The following ARHGEF10L variants were observed in gnomAD, a reference collection of about 807,000 sequenced individuals.
ARHGEF10L encodes the protein rho guanine nucleotide exchange factor 10-like protein.
In ARHGEF10L, 69 loss-of-function variants were observed where a neutral mutation model predicts 141.2. The observed-to-expected ratio is 0.49, with a 90% CI of 0.40 to 0.60. The LOEUF is 0.60. Ranked by LOEUF, ARHGEF10L falls within the 20% of genes least tolerant of loss-of-function variation. The pLI, the probability that ARHGEF10L is intolerant of heterozygous loss-of-function variation, is 0.00. For missense variants in ARHGEF10L, 1,482 were observed against 1,734.3 expected, an observed-to-expected ratio of 0.85 and a Z score of 2.58; for synonymous variants, 711 against 718.5, an observed-to-expected ratio of 0.99 and a Z score of 0.17.
Position 17,602,199 on chromosome 1 carries a change from G to T in ARHGEF10L, c.330G>T (p.Lys110Asn). The T allele has an allele frequency of 6.3e-7, 1 of 1,576,916 alleles. No homozygotes were observed. Among genetic ancestry groups the T allele is most frequent in the South Asian group, 1.2e-5 (1 of 86,054 alleles). ...AFSGARHSSW[K>N]RKSSRRIDRF... ...CCGGGGCCCGGCACTCCAGCTGGAA[G>T]CGGAAGAGTTCCCGTCGCAGTAAGT... is the stretch of plus-strand genomic sequence containing the variant. The change falls in exon 5 of 29, where the codon AAG becomes AAT. Residue 110 changes from lysine to asparagine, a missense_variant. By Grantham distance (94) the Lys-to-Asn change is moderately conservative. Transcript: ENST00000361221.
chr1:17,668,490 CA>C (rs1460024975), intron 26 of ARHGEF10L, among the ~76,000 whole-genome samples: 3 of 152,242 alleles, frequency 2.0e-5, no homozygotes, highest in African/African-American at 7.2e-5. Flanking sequence ...CCTGGGGCCC[CA>C]ATGGCCACCA....
chr1:17,625,386 T>C lies in ARHGEF10L; in HGVS notation c.1318-570T>C, dbSNP rs1021638976. 2.0e-5 allele frequency among the ~76,000 whole-genome samples: 3 copies of C among 152,126 alleles called. No individual in the cohort carries two copies. The highest frequency in any genetic ancestry group is 7.2e-5 in the African/African-American group (3 of 41,432). ...AGGCGGCTGAGTTCAGTTGGGTGGTTCTAGACCTCCAGGCCCAGGGCCTAG... is the reference window on the plus strand; with the variant it reads ...AGGCGGCTGAGTTCAGTTGGGTGGTCCTAGACCTCCAGGCCCAGGGCCTAG... On this transcript the variant is annotated intron_variant, in intron 13 of 28. Transcript: ENST00000361221. The surrounding 1 kb of genome is among the most constrained non-coding windows in gnomAD (Gnocchi z 4.5).
chr1:17,638,357 C>A (rs918361452), intron 19 of ARHGEF10L, among the ~76,000 whole-genome samples: 6 of 152,178 alleles, frequency 3.9e-5, no homozygotes, highest in Non-Finnish European at 7.3e-5. Context: ...GAGGAGGGCT[C>A]CAGGTGGGAT....
intron 25 of ARHGEF10L, among the ~76,000 whole-genome samples, chr1:17,661,525 C>A (rs2062622034): frequency 6.6e-6 from 1 of 152,152 alleles, no homozygotes; most frequent in Admixed American, 6.5e-5. Flanking sequence ...GGTTTTAGAC[C>A]CTAGCTCCTA....
chr1:17,634,942 G>A lies in ARHGEF10L; in HGVS notation c.1853G>A (p.Gly618Asp). The A allele has an allele frequency of 6.2e-7, 1 of 1,614,100 alleles. No homozygotes were observed. The highest frequency in any genetic ancestry group is 8.5e-7 in the Non-Finnish European group (1 of 1,179,978). Reference sequence around the variant, plus strand: ...GTGGTGGAGGTGGGCCAGGACGGTGGCACCTATGACAAGGACAATGTGCTC... The same window carrying A: ...GTGGTGGAGGTGGGCCAGGACGGTGACACCTATGACAAGGACAATGTGCTC... ...VQVVEVGQDG[G>D]TYDKDNVLIQ... The change falls in exon 18 of 29, where the codon GGC (glycine) becomes GAC (aspartate). Residue 618 changes from glycine to aspartate, a missense_variant. This residue lies in a region of ARHGEF10L where 858 missense variants were observed against 966.3 expected (regional missense o/e 0.89). Transcript: ENST00000361221.
intron 5 of ARHGEF10L, among the ~76,000 whole-genome samples, chr1:17,602,510 C>T (rs561521458): frequency 1.3e-5 from 2 of 152,306 alleles, no homozygotes; most frequent in South Asian, 4.1e-4. Context: ...CCTCTGTTAA[C>T]AGAACCAGAC....
chr1:17,585,593 A>T (rs2078960949), intron 2 of ARHGEF10L, among the ~76,000 whole-genome samples: 1 of 152,040 alleles, frequency 6.6e-6, no homozygotes, highest in African/African-American at 2.4e-5. Flanking sequence ...CTGGGGAGGG[A>T]GGGCGTACTC....
intron 15 of ARHGEF10L, among the ~76,000 whole-genome samples, chr1:17,629,869 C>G (rs1285155063): frequency 6.6e-6 from 1 of 152,210 alleles, no homozygotes; most frequent in Non-Finnish European, 1.5e-5. Context: ...GCCTCATACA[C>G]CTGTGCAGCC....
At chr1:17,634,181 G>A (rs1283113010) in intron 16 of ARHGEF10L, 12 of 352,462 alleles carry the variant, frequency 3.4e-5, no homozygotes, top group South Asian at 7.4e-5. Flanking sequence ...TGGTGCCGGC[G>A]GTATGATGAA....
intron 1 of ARHGEF10L, among the ~76,000 whole-genome samples, chr1:17,554,081 C>T (rs1047779069): frequency 7.2e-5 from 11 of 152,122 alleles, no homozygotes; most frequent in African/African-American, 2.4e-4. Context: ...GGGGTGGGTA[C>T]GGCCTCTCTA....
the ARHGEF10L span, among the ~76,000 whole-genome samples, chr1:17,530,020 A>G: frequency 6.6e-6 from 1 of 151,550 alleles, no homozygotes; most frequent in African/African-American, 2.4e-5. Context: ...TTTAGTAGAG[A>G]TGGGGTTTCA....
intron 6 of ARHGEF10L, among the ~76,000 whole-genome samples, chr1:17,604,313 G>T (rs530943883): frequency 6.6e-6 from 1 of 152,218 alleles, no homozygotes; most frequent in South Asian, 2.1e-4. Flanking sequence ...TGTGACAGAT[G>T]AGGCACATTT....
chr1:17,645,472 CAG>C (rs750638286), intron 21 of ARHGEF10L, among the ~76,000 whole-genome samples: 7 of 152,092 alleles, frequency 4.6e-5, no homozygotes, highest in Non-Finnish European at 1.0e-4. Flanking sequence ...GCCCTGGTGA[CAG>C]GGGCTAGGGT....
rs185079790 is a variant in ARHGEF10L, at chr1:17,571,914, G to A, written c.-43-8639G>A. Among the ~76,000 whole-genome samples the A allele has an allele frequency of 2.3e-3, 354 of 152,256 alleles. 1 individual carries two copies. Among genetic ancestry groups the A allele is most frequent in the Non-Finnish European group, 3.5e-3 (238 of 68,010 alleles). On this transcript the variant is annotated intron_variant, in intron 1 of 28. Coordinates refer to ENST00000361221, the MANE Select transcript of ARHGEF10L (RefSeq NM_018125.4). ...GCCTCGGCTTCTACCCTAGAAAGAC[G>A]TCCTTGTACCATGCAAAAGACTCCT...
At chr1:17,640,402 G>C (rs1206516890) in intron 21 of ARHGEF10L, 100 bp downstream of exon 21, 3 of 1,002,604 alleles carry the variant, frequency 3.0e-6, no homozygotes. Flanking sequence ...GGGTCAGCGG[G>C]GGGCAGGGAG....
intron 18 of ARHGEF10L, among the ~76,000 whole-genome samples, chr1:17,637,590 C>T (rs1323907064): frequency 6.6e-6 from 1 of 152,124 alleles, no homozygotes; most frequent in East Asian, 1.9e-4. Flanking sequence ...GCTCCGCCTC[C>T]CAGGTTCACG....
Position 17,656,160 on chromosome 1 carries a change from G to A in ARHGEF10L, c.2705+58G>A. The A allele has an allele frequency of 6.6e-7, 1 of 1,518,908 alleles. No homozygotes were observed. The highest frequency in any genetic ancestry group is 8.9e-7 in the Non-Finnish European group (1 of 1,123,238). 94.1% of individuals were successfully genotyped at this position (1,518,908 alleles called of 1,614,324 possible). A position where few individuals can be genotyped will look rare whatever the true frequency, so the allele number is the denominator to read the frequency against. ...CTCTGCAGGGCTGGGCAGTGGGTGGGGGCTGTCCCTGTAGCCTTCCGGATC... is the reference window on the plus strand; with the variant it reads ...CTCTGCAGGGCTGGGCAGTGGGTGGAGGCTGTCCCTGTAGCCTTCCGGATC... On this transcript the variant is annotated intron_variant, in intron 24 of 28. Coordinates refer to ENST00000361221, the MANE Select transcript of ARHGEF10L (RefSeq NM_018125.4). This position sits in a 1 kb window ranked among gnomAD's most constrained non-coding sequence, Gnocchi z 4.9.
intron 19 of ARHGEF10L, among the ~76,000 whole-genome samples, chr1:17,638,352 G>C (rs2061137840): frequency 6.6e-6 from 1 of 152,216 alleles, no homozygotes; most frequent in Non-Finnish European, 1.5e-5. Flanking sequence ...TCTCAGAGGA[G>C]GGCTCCAGGT....
chr1:17,625,960 G>A lies in ARHGEF10L; in HGVS notation c.1322G>A (p.Arg441Gln), dbSNP rs758346635. 4.3e-6 allele frequency: 7 copies of A among 1,613,570 alleles called. No individual in the cohort carries two copies. Among genetic ancestry groups the A allele is most frequent in the East Asian group, 2.2e-5 (1 of 44,866 alleles). The stretch of plus-strand genomic sequence containing the variant: ...ACGGAACCTTGTCTCCACCAGCGAC[G>A]GCAGGTGTGCAGCCCAGACCGTGTC... ...KPAFLEFLKR[R>Q]QVCSPDRVTL... Residue 441 changes from arginine (R) to glutamine (Q), a missense_variant, in exon 14 of 29, where the codon CGG (arginine) becomes CAG (glutamine). Transcript: ENST00000361221. The surrounding 1 kb of genome is among the most constrained non-coding windows in gnomAD (Gnocchi z 4.5).
Sources: gnomAD v4.1 joint callset for allele counts (sites outside exome capture counted in the v4.1 genomes callset) on GRCh38, gnomAD v4.1.1 for gene constraint, gnomAD v4.1.1 regional missense constraint, Gnocchi (gnomAD v3.1) non-coding constraint, MANE v1.5 for transcripts, NCBI Gene and HGNC (gene_info 2026-07-23, HGNC 2026-07-21) for gene names.